FBXL17: variants seen among roughly 807,000 people sequenced by gnomAD.
FBXL17 encodes the protein F-box and leucine rich repeat protein 17.
In FBXL17, 22 loss-of-function variants were observed where a neutral mutation model predicts 66.2. The observed-to-expected ratio is 0.33, with a 90% confidence interval of 0.24 to 0.47. The LOEUF is 0.47. FBXL17 is among the 20% of genes least tolerant of loss of function. FBXL17 has a pLI of 1.00. For synonymous variants in FBXL17, 474 were observed against 400.5 expected, an observed-to-expected ratio of 1.18 and a Z score of -2.19; for missense variants, 878 against 948.2, an observed-to-expected ratio of 0.93 and a Z score of 0.97.
chr5:108,307,077 C>T (rs1340479779), intron 4 of FBXL17, among the ~76,000 whole-genome samples: 1 of 151,958 alleles, frequency 6.6e-6, no homozygotes, highest in Non-Finnish European at 1.5e-5. Flanking sequence ...ATACCTCTCA[C>T]TTCTCCCTCA....
At chr5:108,160,854 T>A (rs1264856256) in intron 6 of FBXL17, among the ~76,000 whole-genome samples, 1 of 152,086 alleles carries the variant, frequency 6.6e-6, no homozygotes, top group Non-Finnish European at 1.5e-5. Flanking sequence ...GTAAGAGTCT[T>A]GACAAGGGCC....
At chr5:108,217,202 C>G (rs1754642326) in intron 5 of FBXL17, among the ~76,000 whole-genome samples, 1 of 152,168 alleles carries the variant, frequency 6.6e-6, no homozygotes, top group Non-Finnish European at 1.5e-5. Context: ...ACTCCCATTC[C>G]AGACCCCCTC....
At chr5:107,877,895 T>A (rs1247451086) in intron 8 of FBXL17, among the ~76,000 whole-genome samples, 1 of 152,184 alleles carries the variant, frequency 6.6e-6, no homozygotes, top group African/African-American at 2.4e-5. Flanking sequence ...CAGGAGATGG[T>A]GTATCTTCTT....
intron 6 of FBXL17, among the ~76,000 whole-genome samples, chr5:108,118,399 C>A (rs544273648): frequency 2.3e-4 from 35 of 152,296 alleles, no homozygotes; most frequent in African/African-American, 7.9e-4. Flanking sequence ...ATCCCATCTA[C>A]CCAGGTGCTC....
At chr5:108,232,110 C>T (rs1323563048) in intron 4 of FBXL17, among the ~76,000 whole-genome samples, 1 of 152,162 alleles carries the variant, frequency 6.6e-6, no homozygotes, top group African/African-American at 2.4e-5. Context: ...TGAGTATTTC[C>T]TCCTTCTTTT....
intron 4 of FBXL17, among the ~76,000 whole-genome samples, chr5:108,252,177 T>TA (rs1363026663): frequency 6.6e-6 from 1 of 152,126 alleles, no homozygotes. Flanking sequence ...TCATAAGCAC[T>TA]TTGGAGAACA....
intron 3 of FBXL17, among the ~76,000 whole-genome samples, chr5:108,358,265 G>A (rs184798739): frequency 4.3e-4 from 65 of 152,156 alleles, no homozygotes; most frequent in African/African-American, 1.5e-3. Flanking sequence ...TTGATCTTAA[G>A]GAAAAAGTTT....
At chr5:108,189,562 G>A (rs1045129932) in intron 5 of FBXL17, among the ~76,000 whole-genome samples, 1 of 152,094 alleles carries the variant, frequency 6.6e-6, no homozygotes, top group African/African-American at 2.4e-5. Context: ...GATCCCAATG[G>A]CCTATGCTCT....
chr5:108,087,035 T>C (rs754277475), intron 6 of FBXL17, among the ~76,000 whole-genome samples: 107 of 152,194 alleles, frequency 7.0e-4, no homozygotes, highest in Non-Finnish European at 1.3e-3. Context: ...GAATAGGACA[T>C]ACGCTTTCCA....
intron 4 of FBXL17, among the ~76,000 whole-genome samples, chr5:108,293,536 T>C (rs559939581): frequency 6.6e-6 from 1 of 152,216 alleles, no homozygotes; most frequent in Non-Finnish European, 1.5e-5. Context: ...AAAACAAAAA[T>C]ACAGCTTCAA....
chr5:108,366,955 T>C (rs1332016095), intron 2 of FBXL17, among the ~76,000 whole-genome samples: 1 of 152,074 alleles, frequency 6.6e-6, no homozygotes, highest in Non-Finnish European at 1.5e-5. Context: ...GCCCCTCTTT[T>C]CAAATCTGCA....
intron 4 of FBXL17, chr5:108,298,394 G>C: frequency 8.2e-6 from 8 of 980,944 alleles, no homozygotes; most frequent in Non-Finnish European, 8.5e-6. Context: ...ACCAGTCAAA[G>C]AAGATCAATA....
intron 4 of FBXL17, 52 bp from the exon 5 acceptor site, chr5:108,224,280 A>G (rs1293428589): frequency 9.3e-7 from 1 of 1,074,404 alleles, no homozygotes; most frequent in Admixed American, 1.9e-5. Flanking sequence ...CAGTGAACTC[A>G]AGGATTTGGC....
chr5:108,212,848 G>A (rs1754436507), intron 5 of FBXL17, among the ~76,000 whole-genome samples: 1 of 152,186 alleles, frequency 6.6e-6, no homozygotes, highest in Non-Finnish European at 1.5e-5. Flanking sequence ...TGCTGTGCTG[G>A]GAGGTACGCT....
At chr5:108,098,738 C>CT (rs1385544375) in intron 6 of FBXL17, among the ~76,000 whole-genome samples, 1 of 111,218 alleles carries the variant, frequency 9.0e-6, no homozygotes, top group South Asian at 3.7e-4. Context: ...GAGCGACACT[C>CT]TGTCTCATAA....
intron 7 of FBXL17, among the ~76,000 whole-genome samples, chr5:107,905,250 T>A (rs536165872): frequency 6.6e-6 from 1 of 152,200 alleles, no homozygotes; most frequent in Admixed American, 6.5e-5. Flanking sequence ...TTGTAACTAA[T>A]CATTAACACA....
At chr5:108,327,042 T>C (rs912333661) in intron 4 of FBXL17, among the ~76,000 whole-genome samples, 2 of 152,242 alleles carry the variant, frequency 1.3e-5, no homozygotes, top group African/African-American at 4.8e-5. Context: ...AGCAGCTTTA[T>C]ATGAAATACT....
At chr5:108,306,508 T>C (rs1398179772) in intron 4 of FBXL17, among the ~76,000 whole-genome samples, 4 of 152,080 alleles carry the variant, frequency 2.6e-5, no homozygotes, top group Non-Finnish European at 4.4e-5. Flanking sequence ...ATCTGGAAAA[T>C]GGAGTAACTA....
In FBXL17 at chr5:108,021,652, A is replaced by AT. The variant is rs527617132; in HGVS notation, c.1746-652dup. ...TCTTTTCTGGTTTCATTTAAGTTTCATTTTTTTTTAATGGTGCACTCTGCT... is the reference window on the plus strand; with the variant it reads ...TCTTTTCTGGTTTCATTTAAGTTTCATTTTTTTTTTAATGGTGCACTCTGCT... On this transcript the variant is annotated intron_variant, in intron 6 of 8. Transcript: ENST00000542267. Among the ~76,000 whole-genome samples the AT allele has an allele frequency of 1.1e-3, 167 of 149,634 alleles. 1 individual carries two copies. In the South Asian group the frequency reaches 0.014, roughly 13 times the overall value.
Sources: gnomAD v4.1 joint callset for allele counts (sites outside exome capture counted in the v4.1 genomes callset) on GRCh38, gnomAD v4.1.1 for gene constraint, MANE v1.5 for transcripts, NCBI Gene and HGNC (gene_info 2026-07-23, HGNC 2026-07-21) for gene names.